TTC27: variants seen among roughly 807,000 people sequenced by gnomAD.
TTC27 encodes tetratricopeptide repeat protein 27.
Under a neutral mutation model 115.9 loss-of-function variants are expected in TTC27, and 79 were observed. That is an observed-to-expected ratio of 0.68 (90% CI 0.57 to 0.82). TTC27 has a LOEUF of 0.82. Ranked by LOEUF, TTC27 falls within the 40% of genes least tolerant of loss-of-function variation. The probability of loss-of-function intolerance (pLI) is 0.00; values close to 1 mark genes in which losing one functional copy is unlikely to be tolerated. For missense variants in TTC27, 1,054 were observed against 993.1 expected (o/e 1.06, Z -0.82); for synonymous variants, 401 against 356.0 (o/e 1.13, Z -1.42).
At chr2:32,765,913 A>G (rs1669610257) in intron 13 of TTC27, among the ~76,000 whole-genome samples, 1 of 152,202 alleles carries the variant, frequency 6.6e-6, no homozygotes, top group Non-Finnish European at 1.5e-5. Context: ...GCTCTGAATT[A>G]GGCTTTGACT....
At chr2:32,763,833 TC>T (rs1384420204) in intron 13 of TTC27, among the ~76,000 whole-genome samples, 5 of 152,222 alleles carry the variant, frequency 3.3e-5, no homozygotes, top group Non-Finnish European at 7.3e-5. Flanking sequence ...CTACTTAAAT[TC>T]AACCTTAGAT....
intron 10 of TTC27, among the ~76,000 whole-genome samples, chr2:32,729,875 T>G (rs1668234951): frequency 6.6e-6 from 1 of 152,094 alleles, no homozygotes; most frequent in African/African-American, 2.4e-5. Flanking sequence ...CTCATACCAC[T>G]TTTTACTTAT....
At chr2:32,692,827 T>C (rs1666860922) in intron 9 of TTC27, among the ~76,000 whole-genome samples, 1 of 151,852 alleles carries the variant, frequency 6.6e-6, no homozygotes, top group African/African-American at 2.4e-5. Flanking sequence ...CAAAAAAAAG[T>C]TAGCCAGGCG....
intron 9 of TTC27, among the ~76,000 whole-genome samples, chr2:32,680,335 A>T (rs182286829): frequency 6.6e-6 from 1 of 152,350 alleles, no homozygotes; most frequent in East Asian, 1.9e-4. Context: ...CTACTAAATA[A>T]TATATACGGG....
intron 10 of TTC27, among the ~76,000 whole-genome samples, chr2:32,727,669 T>G (rs1235459383): frequency 6.6e-6 from 1 of 152,198 alleles, no homozygotes; most frequent in South Asian, 2.1e-4. Context: ...GATCTAGCTA[T>G]CATCTATTAT....
intron 10 of TTC27, among the ~76,000 whole-genome samples, chr2:32,731,619 T>C (rs1668295149): frequency 6.6e-6 from 1 of 152,192 alleles, no homozygotes; most frequent in African/African-American, 2.4e-5. Context: ...GCTCAAGTGA[T>C]CTTCCTACTT....
chr2:32,650,468 C>T (rs1665072117), intron 5 of TTC27, among the ~76,000 whole-genome samples: 1 of 148,082 alleles, frequency 6.8e-6, no homozygotes. Context: ...ACTTACTTAA[C>T]CTACTTAGGG....
Position 32,758,548 on chromosome 2 carries a change from C to G in TTC27, c.1680+29C>G, listed in dbSNP as rs1318496904. ...AGACAACTCATAACCCCCTGCTGCT[C>G]TCAGCGCTTGTGCTGTTCTTTGGAT... On this transcript the variant is annotated intron_variant, in intron 13 of 19. Transcript: ENST00000317907. 1.9e-6 allele frequency: 3 copies of G among 1,595,126 alleles called. No individual in the cohort carries two copies. In the East Asian group the frequency reaches 6.7e-5, roughly 36 times the overall value.
Position 32,758,528 on chromosome 2 carries a change from A to T in TTC27, c.1680+9A>T. ...AGATTAATCCCATGCAGGTTAGACA[A>T]CTCATAACCCCCTGCTGCTCTCAGC... On this transcript the variant is annotated intron_variant, in intron 13 of 19. Transcript: ENST00000317907. 2 of 1,611,722 alleles carry T rather than the reference A, an allele frequency of 1.2e-6. No homozygotes were observed. The highest frequency in any genetic ancestry group is 1.7e-6 in the Non-Finnish European group (2 of 1,177,958).
At chr2:32,633,831 G>A (rs758750379) in intron 2 of TTC27, 45 bp from the exon 3 acceptor site, 4 of 1,586,566 alleles carry the variant, frequency 2.5e-6, no homozygotes, top group East Asian at 2.2e-5. Context: ...AGATTATACA[G>A]TGATAGTAGT....
intron 16 of TTC27, among the ~76,000 whole-genome samples, chr2:32,790,610 T>C (rs543147395): frequency 6.6e-6 from 1 of 152,278 alleles, no homozygotes; most frequent in East Asian, 1.9e-4. Context: ...TATTTTGAAA[T>C]ATACATTATC....
chr2:32,799,072 A>G lies in TTC27; in HGVS notation c.1998+11923A>G, dbSNP rs111821115. On this transcript the variant is annotated intron_variant, in intron 16 of 19. Transcript: ENST00000317907. ...AGTCTTAAAAAGGAAGGAAATTGTG[A>G]CACATGCTACAAAATGGATGAACCT... Among the ~76,000 whole-genome samples the G allele has an allele frequency of 4.2e-3, 641 of 152,334 alleles. 2 individuals carry two copies. The highest frequency in any genetic ancestry group is 0.015 in the African/African-American group (610 of 41,574).
At chr2:32,682,938 C>T (rs1666493101) in intron 9 of TTC27, among the ~76,000 whole-genome samples, 1 of 145,448 alleles carries the variant, frequency 6.9e-6, no homozygotes, top group Non-Finnish European at 1.5e-5. Context: ...ACTGCAAGCT[C>T]CGCCTCCCGG....
intron 2 of TTC27, 36 bp downstream of exon 2, chr2:32,630,736 A>G: frequency 6.4e-7 from 1 of 1,569,302 alleles, no homozygotes; most frequent in Non-Finnish European, 8.6e-7. Flanking sequence ...AGAGGAACAG[A>G]GCAAATACAT....
chr2:32,682,844 G>GTTCTTTTTTTTTTTTTTTTTT (rs142030247), intron 9 of TTC27, among the ~76,000 whole-genome samples: 1 of 56,988 alleles, frequency 1.8e-5, no homozygotes, highest in African/African-American at 7.5e-5. Flanking sequence ...AATTTTTATT[G>GTTCTTTTTTTTTTTTTTTTTT]TTGTTTTTTT....
Position 32,713,584 on chromosome 2 carries a change from A to T in TTC27, c.1233+10664A>T, listed in dbSNP as rs192342116. On this transcript the variant is annotated intron_variant, in intron 10 of 19. Transcript: ENST00000317907. The stretch of plus-strand genomic sequence containing the variant: ...GTTGTGCCTCTGAAGATATTTGTCC[A>T]ACAGGAATATTTTTCTTCTTCCTTG... 3.9e-5 allele frequency among the ~76,000 whole-genome samples: 6 copies of T among 152,348 alleles called. No homozygotes were observed. The East Asian group carries it at 1.2e-3, about 29-fold the overall frequency.
At chr2:32,814,779 T>A (rs2148050352) in intron 18 of TTC27, among the ~76,000 whole-genome samples, 1 of 152,372 alleles carries the variant, frequency 6.6e-6, no homozygotes, top group Middle Eastern at 3.4e-3. Context: ...GTAGGCTATA[T>A]ACCATGTAGC....
intron 2 of TTC27, among the ~76,000 whole-genome samples, chr2:32,631,619 T>C (rs2151857828): frequency 6.6e-6 from 1 of 152,290 alleles, no homozygotes; most frequent in Non-Finnish European, 1.5e-5. Context: ...AATTATCTTA[T>C]AAATGCATGC....
chr2:32,647,423 G>T (rs894369127), intron 4 of TTC27, among the ~76,000 whole-genome samples: 35 of 152,280 alleles, frequency 2.3e-4, no homozygotes, highest in African/African-American at 7.9e-4. Context: ...GAATGAAAAT[G>T]ACGCAACACC....
Sources: allele counts gnomAD v4.1 joint callset (sites outside exome capture counted in the v4.1 genomes callset), GRCh38; gene constraint gnomAD v4.1.1; transcripts MANE v1.5; gene names NCBI Gene and HGNC (gene_info 2026-07-23, HGNC 2026-07-21).